The following GUCY1A2 variants were observed in gnomAD, a reference collection of about 807,000 sequenced individuals.
GUCY1A2 encodes guanylate cyclase soluble subunit alpha-2.
Under a neutral mutation model 63.5 loss-of-function variants are expected in GUCY1A2, and 27 were observed. The observed-to-expected ratio is 0.43, with a 90% CI of 0.31 to 0.59. The LOEUF (loss-of-function observed/expected upper bound fraction) is 0.59, where lower values mean the gene tolerates loss of function less well. GUCY1A2 is among the 20% of genes least tolerant of loss of function. The pLI, the probability that GUCY1A2 is intolerant of heterozygous loss-of-function variation, is 0.11. For missense variants in GUCY1A2, 768 were observed against 913.3 expected, an observed-to-expected ratio of 0.84 and a Z score of 2.05; for synonymous variants, 364 against 343.5, an observed-to-expected ratio of 1.06 and a Z score of -0.66.
chr11:106,940,222 A>T lies in GUCY1A2; in HGVS notation c.488-44T>A, dbSNP rs754459213. 8.0e-6 allele frequency: 7 copies of T among 876,420 alleles called. No homozygotes were observed. In the African/African-American group the frequency reaches 1.0e-4, roughly 13 times the overall value. 54.3% of individuals were successfully genotyped at this position (876,420 alleles called of 1,614,324 possible). On this transcript the variant is annotated intron_variant, in intron 3 of 7. Transcript: ENST00000526355. ...CAAATGTTAGTGAAGTCTAATATAA[A>T]TAATTGAATTTATAGCTTTTTAAGT...
At chr11:106,879,395 G>A (rs1182985706) in intron 4 of GUCY1A2, among the ~76,000 whole-genome samples, 1 of 152,090 alleles carries the variant, frequency 6.6e-6, no homozygotes, top group East Asian at 1.9e-4. Flanking sequence ...CCAGAACAGG[G>A]TAAGTAAAAT....
intron 6 of GUCY1A2, among the ~76,000 whole-genome samples, chr11:106,771,343 TTAGAGAAC>T (rs1864251428): frequency 6.6e-6 from 1 of 152,230 alleles, no homozygotes; most frequent in Non-Finnish European, 1.5e-5. Context: ...GTTCACAAGA[TTAGAGAAC>T]TAAAGTAATA....
At chr11:106,990,080 G>T (rs1324088070) in intron 1 of GUCY1A2, among the ~76,000 whole-genome samples, 1 of 152,118 alleles carries the variant, frequency 6.6e-6, no homozygotes, top group Non-Finnish European at 1.5e-5. Flanking sequence ...AAGTCAAGAG[G>T]TCTGTAATTT....
chr11:106,834,206 C>T (rs1237442317), intron 4 of GUCY1A2, among the ~76,000 whole-genome samples: 2 of 151,936 alleles, frequency 1.3e-5, no homozygotes, highest in Non-Finnish European at 2.9e-5. Context: ...CCAACACCTG[C>T]CCATTTCTCC....
At chr11:106,829,903 A>C (rs755451607) in intron 4 of GUCY1A2, among the ~76,000 whole-genome samples, 3 of 152,166 alleles carry the variant, frequency 2.0e-5, no homozygotes, top group African/African-American at 7.2e-5. Flanking sequence ...TCAGGACTGA[A>C]GGTTTGGGTC....
At chr11:106,996,348 G>T (rs991816540) in intron 1 of GUCY1A2, among the ~76,000 whole-genome samples, 24 of 152,104 alleles carry the variant, frequency 1.6e-4, no homozygotes, top group African/African-American at 5.8e-4. Context: ...CCTAAAGTAA[G>T]AAAAATGATT....
chr11:106,829,182 C>T (rs1859018060), intron 4 of GUCY1A2, among the ~76,000 whole-genome samples: 1 of 152,146 alleles, frequency 6.6e-6, no homozygotes, highest in South Asian at 2.1e-4. Flanking sequence ...TTCCACATAC[C>T]TTGTTGCATT....
chr11:106,979,169 G>C (rs1351708578), intron 2 of GUCY1A2, among the ~76,000 whole-genome samples: 1 of 152,122 alleles, frequency 6.6e-6, no homozygotes, highest in African/African-American at 2.4e-5. Context: ...GAAGATAGCA[G>C]TATAGGCCGG....
At chr11:106,965,357 T>G (rs1380260855) in intron 3 of GUCY1A2, among the ~76,000 whole-genome samples, 3 of 152,056 alleles carry the variant, frequency 2.0e-5, no homozygotes, top group Admixed American at 6.6e-5. Flanking sequence ...ACATGAAAAA[T>G]CCTTACAAAT....
At chr11:106,880,903 C>A (rs1176842829) in intron 4 of GUCY1A2, among the ~76,000 whole-genome samples, 2 of 152,034 alleles carry the variant, frequency 1.3e-5, no homozygotes, top group East Asian at 3.9e-4. Context: ...TGGGAAATAC[C>A]AATACAGTAG....
At chr11:106,949,463 G>A (rs148437790) in intron 3 of GUCY1A2, among the ~76,000 whole-genome samples, 1 of 148,916 alleles carries the variant, frequency 6.7e-6, no homozygotes, top group East Asian at 2.1e-4. Context: ...TTTTTAACTA[G>A]GATTCTGTTC....
At chr11:106,988,254 T>C (rs1048946890) in intron 1 of GUCY1A2, among the ~76,000 whole-genome samples, 5 of 152,242 alleles carry the variant, frequency 3.3e-5, no homozygotes, top group African/African-American at 7.2e-5. Flanking sequence ...CATCAGTCAC[T>C]AGCTCAGTAC....
At chr11:106,768,362 A>C (rs1384958440) in intron 6 of GUCY1A2, among the ~76,000 whole-genome samples, 1 of 152,132 alleles carries the variant, frequency 6.6e-6, no homozygotes. Flanking sequence ...TTTAAAATAG[A>C]GAACTTACTT....
chr11:106,689,341 AATG>A (rs1035532373), intron 7 of GUCY1A2, among the ~76,000 whole-genome samples: 4 of 152,196 alleles, frequency 2.6e-5, no homozygotes, highest in African/African-American at 9.7e-5. Context: ...AAAACCACAA[AATG>A]ATGATATTCA....
chr11:106,847,016 G>A (rs1408114441), intron 4 of GUCY1A2, among the ~76,000 whole-genome samples: 1 of 151,268 alleles, frequency 6.6e-6, no homozygotes, highest in African/African-American at 2.4e-5. Flanking sequence ...AAAAGGTTCT[G>A]AAGGGGAAAA....
intron 4 of GUCY1A2, among the ~76,000 whole-genome samples, chr11:106,876,652 T>A (rs1397685116): frequency 6.6e-6 from 1 of 152,122 alleles, no homozygotes; most frequent in Admixed American, 6.6e-5. Context: ...CTGCATTAAA[T>A]CTAAATCTCC....
chr11:106,943,227 C>T (rs780905497), intron 3 of GUCY1A2, among the ~76,000 whole-genome samples: 1 of 152,184 alleles, frequency 6.6e-6, no homozygotes, highest in Admixed American at 6.5e-5. Flanking sequence ...ACAACTGATG[C>T]AATTCTGACT....
chr11:106,774,343 A>G (rs1188592814), intron 6 of GUCY1A2, among the ~76,000 whole-genome samples: 1 of 151,852 alleles, frequency 6.6e-6, no homozygotes, highest in Non-Finnish European at 1.5e-5. Context: ...ATCTTGGCCA[A>G]ACTGGTCTTG....
chr11:106,824,187 A>T (rs1377212860), intron 4 of GUCY1A2: 7 of 1,335,406 alleles, frequency 5.2e-6, no homozygotes, highest in Admixed American at 6.0e-5. Flanking sequence ...TTTCAGGGTA[A>T]ATGGCTATTA....
Sources: gnomAD v4.1 joint callset for allele counts (sites outside exome capture counted in the v4.1 genomes callset) on GRCh38, gnomAD v4.1.1 for gene constraint, MANE v1.5 for transcripts, NCBI Gene and HGNC (gene_info 2026-07-23, HGNC 2026-07-21) for gene names.